CYP19A1: variants seen among roughly 807,000 people sequenced by gnomAD.
The protein encoded by CYP19A1 is cytochrome P450 family 19 subfamily A member 1.
A neutral mutation model predicts 44.4 loss-of-function variants in CYP19A1; 32 were observed. The observed-to-expected ratio is 0.72, with a 90% CI of 0.54 to 0.97. The LOEUF is 0.97. Among genes scored for constraint, CYP19A1 ranks in the 50% least tolerant of loss-of-function variants. The pLI, the probability that CYP19A1 is intolerant of heterozygous loss-of-function variation, is 0.00. For synonymous variants in CYP19A1, 212 were observed against 215.6 expected (o/e 0.98, Z 0.14); for missense variants, 598 against 637.8 (o/e 0.94, Z 0.67).
chr15:51,269,794 C>A (rs565619928), intron 1 of CYP19A1, among the ~76,000 whole-genome samples: 15 of 152,276 alleles, frequency 9.9e-5, no homozygotes, highest in Non-Finnish European at 2.2e-4. Flanking sequence ...TGTCTGAAGC[C>A]CTTTCCACAC....
chr15:51,241,492 G>C lies in CYP19A1; in HGVS notation c.145+1276C>G, dbSNP rs140565598. 1.6e-4 allele frequency among the ~76,000 whole-genome samples: 24 copies of C among 152,234 alleles called. No homozygotes were observed. The East Asian group carries it at 4.6e-3, about 29-fold the overall frequency. ...ATTGTCTGCTAACACAGACAAATTG[G>C]AATTTAGCACCTGAGCCTATGAAGG... is the stretch of plus-strand genomic sequence containing the variant. On this transcript the variant is annotated intron_variant, in intron 2 of 9. Coordinates refer to ENST00000396402, the MANE Select transcript of CYP19A1 (RefSeq NM_000103.4).
chr15:51,235,560 T>A (rs930037024), intron 3 of CYP19A1, among the ~76,000 whole-genome samples: 4 of 152,204 alleles, frequency 2.6e-5, no homozygotes, highest in Non-Finnish European at 5.9e-5. Context: ...CAAAACTGAA[T>A]GAAACAAACA....
chr15:51,311,559 T>G (rs181424562), intron 1 of CYP19A1, among the ~76,000 whole-genome samples: 1 of 152,300 alleles, frequency 6.6e-6, no homozygotes, highest in African/African-American at 2.4e-5. Flanking sequence ...ACAAAATATT[T>G]GAAAAAACAA....
At chr15:51,228,078 G>A in intron 3 of CYP19A1, 145 bp from the exon 4 acceptor site, 1 of 704,104 alleles carries the variant, frequency 1.4e-6, no homozygotes, top group South Asian at 1.5e-5. Flanking sequence ...GGTTGAATAA[G>A]CACTTCTGTT....
rs199653571 is a variant in CYP19A1, at chr15:51,274,796, A to AT, written c.-38-31847dup. Among the ~76,000 whole-genome samples the AT allele has an allele frequency of 4.8e-3, 734 of 151,854 alleles. 8 individuals are homozygous for AT. Among genetic ancestry groups the AT allele is most frequent in the East Asian group, 5.6e-3 (29 of 5,184 alleles). ...CTGCCCAAATACTATTTAGAAGAAGATTTTTTTTTAATAAACTCTCTAAGA... is the reference window on the plus strand; with the variant it reads ...CTGCCCAAATACTATTTAGAAGAAGATTTTTTTTTTAATAAACTCTCTAAGA... On this transcript the variant is annotated intron_variant, in intron 1 of 9. Transcript: ENST00000396402.
Position 51,216,135 on chromosome 15 carries a change from G to T in CYP19A1, c.744-318C>A. 7.7e-6 allele frequency: 3 copies of T among 389,366 alleles called. No individual in the cohort carries two copies. In the South Asian group the frequency reaches 8.2e-5, roughly 11 times the overall value. 24.1% of individuals were successfully genotyped at this position (389,366 alleles called of 1,614,324 possible). On this transcript the variant is annotated intron_variant, in intron 6 of 9. Transcript: ENST00000396402. ...TGTTTTCCAATTTCTGATTTGGCAG[G>T]CACAATGTTTAAATTAAAAAAACAA...
chr15:51,332,047 A>G (rs183077590), intron 1 of CYP19A1, among the ~76,000 whole-genome samples: 168 of 152,216 alleles, frequency 1.1e-3, no homozygotes, highest in Non-Finnish European at 2.0e-3. Context: ...ATTCACATTT[A>G]ATAATACATT....
At chr15:51,249,002 C>T (rs1376309259) in intron 1 of CYP19A1, among the ~76,000 whole-genome samples, 2 of 150,328 alleles carry the variant, frequency 1.3e-5, no homozygotes, top group East Asian at 3.9e-4. Context: ...TGCAGTGATG[C>T]GATCTTGACT....
intron 1 of CYP19A1, among the ~76,000 whole-genome samples, chr15:51,337,080 C>G (rs1013699745): frequency 6.6e-6 from 1 of 152,142 alleles, no homozygotes; most frequent in African/African-American, 2.4e-5. Context: ...AGACGAGAAC[C>G]CAAGTTTATC....
rs188055964 is a variant in CYP19A1 at position 51,287,618 on chromosome 15, C to T, written c.-38-44668G>A. Among the ~76,000 whole-genome samples the T allele has an allele frequency of 4.3e-3, 658 of 152,302 alleles. 2 individuals are homozygous for T. Among genetic ancestry groups the T allele is most frequent in the African/African-American group, 0.015 (632 of 41,554 alleles). Reference sequence around the variant, plus strand: ...CAAACACCTTTCCCCCTCCCTCTGCCCTGGCCAGGTCTCCATCCTACCCTC... The same window carrying T: ...CAAACACCTTTCCCCCTCCCTCTGCTCTGGCCAGGTCTCCATCCTACCCTC... On this transcript the variant is annotated intron_variant, in intron 1 of 9. Coordinates refer to ENST00000396402, the MANE Select transcript of CYP19A1 (RefSeq NM_000103.4).
intron 1 of CYP19A1, among the ~76,000 whole-genome samples, chr15:51,330,369 T>C (rs1290787823): frequency 6.6e-6 from 1 of 152,002 alleles, no homozygotes; most frequent in African/African-American, 2.4e-5. Context: ...AGAAGGGGCA[T>C]AAGAAATGTC....
intron 4 of CYP19A1, among the ~76,000 whole-genome samples, chr15:51,222,852 A>C (rs901126183): frequency 1.3e-5 from 2 of 152,182 alleles, no homozygotes; most frequent in Admixed American, 1.3e-4. Flanking sequence ...TGTGGTCATA[A>C]ATCACAAATC....
chr15:51,307,543 T>G (rs951245336), intron 1 of CYP19A1, among the ~76,000 whole-genome samples: 15 of 152,196 alleles, frequency 9.9e-5, no homozygotes, highest in African/African-American at 1.7e-4. Flanking sequence ...GGTAGTGGTG[T>G]GAAAGAGCTG....
chr15:51,298,216 T>C (rs2470156), intron 1 of CYP19A1, among the ~76,000 whole-genome samples: 15,114 of 152,270 alleles, frequency 0.099, 858 homozygotes, highest in African/African-American at 0.13. Context: ...GATTTGGATA[T>C]GCCACCAGCT....
intron 1 of CYP19A1, among the ~76,000 whole-genome samples, chr15:51,319,395 AG>A (rs1358263718): frequency 6.6e-6 from 1 of 152,224 alleles, no homozygotes; most frequent in Non-Finnish European, 1.5e-5. Flanking sequence ...TTTATGACAA[AG>A]TTTTCTGAAG....
intron 1 of CYP19A1, among the ~76,000 whole-genome samples, chr15:51,280,656 C>T (rs1300612985): frequency 6.6e-6 from 1 of 152,220 alleles, no homozygotes; most frequent in African/African-American, 2.4e-5. Flanking sequence ...CTGTAATGAG[C>T]CACTGCCCTC....
chr15:51,292,791 G>T (rs1245361714), intron 1 of CYP19A1, among the ~76,000 whole-genome samples: 2 of 151,552 alleles, frequency 1.3e-5, no homozygotes, highest in Non-Finnish European at 2.9e-5. Flanking sequence ...GAAGGTCGGG[G>T]TCCTTCTTCA....
At chr15:51,294,510 C>A (rs1235024461) in intron 1 of CYP19A1, among the ~76,000 whole-genome samples, 1 of 146,460 alleles carries the variant, frequency 6.8e-6, no homozygotes, top group East Asian at 2.1e-4. Context: ...GGAGCCCCTC[C>A]GCCCGGCAGC....
Position 51,218,670 on chromosome 15 carries a change from A to C in CYP19A1, c.629-15T>G, listed in dbSNP as rs748250878. 1.2e-6 allele frequency: 2 copies of C among 1,606,856 alleles called. No individual in the cohort carries two copies. Among genetic ancestry groups the C allele is most frequent in the Non-Finnish European group, 1.7e-6 (2 of 1,176,080 alleles). On this transcript the variant is annotated splice_polypyrimidine_tract_variant and intron_variant, in intron 5 of 9. Coordinates refer to ENST00000396402, the MANE Select transcript of CYP19A1 (RefSeq NM_000103.4). Reference sequence around the variant, plus strand: ...GATAGCACTTTCTGTAGGAAAAAAAAACACACATACACAAGAAAGAGCAGT... The same window carrying C: ...GATAGCACTTTCTGTAGGAAAAAAACACACACATACACAAGAAAGAGCAGT...
Sources: gnomAD v4.1 joint callset for allele counts (sites outside exome capture counted in the v4.1 genomes callset) on GRCh38, gnomAD v4.1.1 for gene constraint, MANE v1.5 for transcripts, NCBI Gene and HGNC (gene_info 2026-07-23, HGNC 2026-07-21) for gene names.